ZMYM1: variants seen among roughly 807,000 people sequenced by gnomAD.
The protein encoded by ZMYM1 is zinc finger MYM-type containing 1, also known as zinc finger MYM-type protein 1.
ZMYM1 carries 39 observed loss-of-function variants against 60.0 expected under a neutral mutation model. That is an observed-to-expected ratio of 0.65 (90% CI 0.50 to 0.85). The LOEUF (loss-of-function observed/expected upper bound fraction) is 0.85, where lower values mean the gene tolerates loss of function less well. ZMYM1 is among the 40% of genes least tolerant of loss of function. The pLI, the probability that ZMYM1 is intolerant of heterozygous loss-of-function variation, is 0.00. For missense variants in ZMYM1, 1,171 were observed against 1,309.5 expected (o/e 0.89, Z 1.63); for synonymous variants, 413 against 454.0 (o/e 0.91, Z 1.15).
intron 3 of ZMYM1, 83 bp from the exon 4 acceptor site, chr1:35,097,234 A>AAAAG: frequency 1.4e-6 from 2 of 1,475,256 alleles, no homozygotes; most frequent in Non-Finnish European, 9.1e-7. Context: ...TGTCTCTAAA[A>AAAAG]AAAGAAAGAA....
At chr1:35,117,034 G>A (rs1334147823), downstream of ZMYM1, among the ~76,000 whole-genome samples, 11 of 148,770 alleles carry the variant, frequency 7.4e-5, no homozygotes, top group African/African-American at 1.7e-4. Context: ...TAGTAGAGAC[G>A]GGGTTTCACC....
At chr1:35,105,884 G>C (rs549433816) in intron 6 of ZMYM1, among the ~76,000 whole-genome samples, 1 of 152,302 alleles carries the variant, frequency 6.6e-6, no homozygotes, top group East Asian at 1.9e-4. Context: ...TGGGATTACA[G>C]ATGTGAGCCT....
At chr1:35,103,011 A>G (rs1449541845) in intron 4 of ZMYM1, among the ~76,000 whole-genome samples, 1 of 152,232 alleles carries the variant, frequency 6.6e-6, no homozygotes, top group Non-Finnish European at 1.5e-5. Context: ...TATAGCAGGG[A>G]ATAACATGAA....
intron 1 of ZMYM1, among the ~76,000 whole-genome samples, chr1:35,090,545 G>A (rs1642940521): frequency 6.6e-6 from 1 of 152,136 alleles, no homozygotes; most frequent in Non-Finnish European, 1.5e-5. Context: ...AAGAAAAAGA[G>A]ACCTTGCTTT....
chr1:35,063,727 A>C (rs1176024959), intron 1 of ZMYM1, among the ~76,000 whole-genome samples: 1 of 152,220 alleles, frequency 6.6e-6, no homozygotes, highest in Admixed American at 6.5e-5. Flanking sequence ...ACATTTGACG[A>C]TCTCTATCAC....
chr1:35,103,167 A>G (rs1643744526), intron 4 of ZMYM1, among the ~76,000 whole-genome samples: 1 of 152,184 alleles, frequency 6.6e-6, no homozygotes, highest in African/African-American at 2.4e-5. Context: ...TAGTATATTC[A>G]TAATGTTGTG....
At chr1:35,103,428 C>G (rs1009473535) in intron 4 of ZMYM1, among the ~76,000 whole-genome samples, 1 of 152,148 alleles carries the variant, frequency 6.6e-6, no homozygotes, top group Admixed American at 6.6e-5. Flanking sequence ...CTGGTTCTTT[C>G]CCTTAGCATA....
chr1:35,099,679 GT>G (rs992698961), intron 4 of ZMYM1, among the ~76,000 whole-genome samples: 1 of 151,954 alleles, frequency 6.6e-6, no homozygotes, highest in Non-Finnish European at 1.5e-5. Flanking sequence ...TTCTTCTGGG[GT>G]TTTTTTATCT....
intron 1 of ZMYM1, among the ~76,000 whole-genome samples, chr1:35,070,500 CTATATATAAGATTAT>C (rs913981639): frequency 1.3e-5 from 2 of 152,034 alleles, no homozygotes; most frequent in African/African-American, 2.4e-5. Flanking sequence ...TTTAGATTTT[CTATATATAAGATTAT>C]GTTGTTTAAA....
chr1:35,104,169 C>A (rs1324374682), intron 4 of ZMYM1, 126 bp from the exon 5 acceptor site: 84 of 831,344 alleles, frequency 1.0e-4, no homozygotes, highest in Non-Finnish European at 1.4e-4. Context: ...GAACTGGGTA[C>A]CAAATTCAGG....
chr1:35,067,785 G>C (rs1429841994), intron 1 of ZMYM1, among the ~76,000 whole-genome samples: 3 of 151,726 alleles, frequency 2.0e-5, no homozygotes, highest in African/African-American at 4.8e-5. Context: ...TAGGGAGGGA[G>C]AGTAACTTGG....
At chr1:35,090,722 G>A (rs992027258) in intron 1 of ZMYM1, among the ~76,000 whole-genome samples, 25 of 152,194 alleles carry the variant, frequency 1.6e-4, no homozygotes, top group African/African-American at 6.0e-4. Flanking sequence ...CGAGGTGGGC[G>A]GATCACCTGA....
At position 35,115,013 on chromosome 1, in the gene ZMYM1, T is replaced by G; in HGVS notation, c.3183T>G (p.Ser1061Arg). The change falls in exon 10 of 10, where the codon AGT becomes AGG. Residue 1061 changes from serine to arginine, a missense_variant. Physicochemically the swap from Ser to Arg is moderately radical, Grantham distance 110 (BLOSUM62 -1). Transcript: ENST00000359858. ...TGTTTATTCAGCATGGTCTTCACAGTAATATTCCTTGTCTCTCAAAGCTAT... is the reference window on the plus strand; with the variant it reads ...TGTTTATTCAGCATGGTCTTCACAGGAATATTCCTTGTCTCTCAAAGCTAT... Reference protein sequence around the residue: ...GCLFIQHGLHSNIPCLSKLLY... With the variant: ...GCLFIQHGLHRNIPCLSKLLY... The G allele has an allele frequency of 1.2e-6, 2 of 1,614,090 alleles. No homozygotes were observed. The highest frequency in any genetic ancestry group is 1.7e-6 in the Non-Finnish European group (2 of 1,179,922).
chr1:35,076,920 A>G (rs1642177086), upstream of ZMYM1, among the ~76,000 whole-genome samples: 1 of 150,544 alleles, frequency 6.6e-6, no homozygotes, highest in Non-Finnish European at 1.5e-5. Flanking sequence ...GGGTGACAAG[A>G]GCAAAACTCT....
chr1:35,101,607 C>T (rs903866911), intron 4 of ZMYM1, among the ~76,000 whole-genome samples: 1 of 151,494 alleles, frequency 6.6e-6, no homozygotes, highest in African/African-American at 2.4e-5. Context: ...TGTCTATTCC[C>T]ACACCATTCC....
chr1:35,095,149 A>G (rs990965144), intron 2 of ZMYM1, among the ~76,000 whole-genome samples: 2 of 151,986 alleles, frequency 1.3e-5, no homozygotes, highest in Non-Finnish European at 2.9e-5. Flanking sequence ...TGTAAGAATC[A>G]TTCTGCCCAA....
intron 6 of ZMYM1, among the ~76,000 whole-genome samples, chr1:35,106,256 T>C (rs1195177953): frequency 4.6e-5 from 7 of 152,104 alleles, no homozygotes; most frequent in Admixed American, 6.6e-5. Context: ...TTCTTAGATA[T>C]GTTGCTTGTT....
intron 4 of ZMYM1, 154 bp downstream of exon 4, chr1:35,097,720 CT>C: frequency 1.2e-6 from 1 of 832,376 alleles, no homozygotes; most frequent in Non-Finnish European, 1.9e-6. Context: ...TCTCGGCTCA[CT>C]GCAACTTCCA....
intron 6 of ZMYM1, among the ~76,000 whole-genome samples, chr1:35,105,126 C>CTTTTTTTTTT (rs1029051953): frequency 3.4e-4 from 33 of 96,546 alleles, no homozygotes; most frequent in Non-Finnish European, 4.4e-4. Context: ...TTATTTCTTT[C>CTTTTTTTTTT]TTTTTTTTTT....
Sources: gnomAD v4.1 joint callset for allele counts (sites outside exome capture counted in the v4.1 genomes callset) on GRCh38, gnomAD v4.1.1 for gene constraint, MANE v1.5 for transcripts, NCBI Gene and HGNC (gene_info 2026-07-23, HGNC 2026-07-21) for gene names.